Variants in ZBTB8OS observed in about 807,000 individuals in gnomAD.
ZBTB8OS encodes tRNA splicing ligase complex subunit 1, also known as tRNA-splicing ligase-activating factor archease.
ZBTB8OS carries 16 observed loss-of-function variants against 29.3 expected under a neutral mutation model. That is an observed-to-expected ratio of 0.55 (90% CI 0.37 to 0.83). The LOEUF (loss-of-function observed/expected upper bound fraction) is 0.83, where lower values mean the gene tolerates loss of function less well. Ranked by LOEUF, ZBTB8OS falls within the 40% of genes least tolerant of loss-of-function variation. The pLI is 0.00. For missense variants in ZBTB8OS, 160 were observed against 196.9 expected, an observed-to-expected ratio of 0.81 and a Z score of 1.12; for synonymous variants, 70 against 64.6, an observed-to-expected ratio of 1.08 and a Z score of -0.40.
chr1:32,627,377 C>A, intron 6 of ZBTB8OS, 131 bp downstream of exon 6: 1 of 752,794 alleles, frequency 1.3e-6, no homozygotes, highest in Non-Finnish European at 2.2e-6. Context: ...TATATCCAGA[C>A]AGGTCAGAGA....
intron 1 of ZBTB8OS, among the ~76,000 whole-genome samples, chr1:32,644,018 G>C (rs541200678): frequency 6.6e-6 from 1 of 152,072 alleles, no homozygotes; most frequent in South Asian, 2.1e-4. Context: ...TCGGCCCCAA[G>C]GAAGGGGCTT....
chr1:32,621,733 TA>T lies in ZBTB8OS; in HGVS notation c.*128del. ...CCCTTTCTGAAAGTCACACTTTAAC[TA>T]AAATATTTCTGTTCTACAAATTTCC... On this transcript the variant is annotated 3_prime_UTR_variant, in exon 7 of 7. Coordinates refer to ENST00000468695, the MANE Select transcript of ZBTB8OS (RefSeq NM_178547.5). The T allele has an allele frequency of 4.3e-6, 3 of 704,088 alleles. No individual in the cohort carries two copies. The highest frequency in any genetic ancestry group is 7.1e-6 in the Non-Finnish European group (3 of 422,732). 43.6% of individuals were successfully genotyped at this position (704,088 alleles called of 1,614,324 possible).
At chr1:32,622,080 A>C in intron 6 of ZBTB8OS, 132 bp from the exon 7 acceptor site, 1 of 623,362 alleles carries the variant, frequency 1.6e-6, no homozygotes, top group Non-Finnish European at 2.7e-6. Flanking sequence ...CACATGAAAC[A>C]ATTAGTTATC....
chr1:32,649,528 G>A (rs1378484233), intron 1 of ZBTB8OS, among the ~76,000 whole-genome samples: 1 of 151,962 alleles, frequency 6.6e-6, no homozygotes, highest in Non-Finnish European at 1.5e-5. Context: ...TTTGCCTAAA[G>A]TCACTAAGCG....
chr1:32,642,491 G>A lies in ZBTB8OS; in HGVS notation c.98-7699C>T, dbSNP rs1323997061. Among the ~76,000 whole-genome samples, 9 of 149,958 alleles carry A rather than the reference G, an allele frequency of 6.0e-5. 1 individual carries two copies. The highest frequency in any genetic ancestry group is 4.2e-4 in the South Asian group (2 of 4,726). On this transcript the variant is annotated intron_variant, in intron 1 of 6. Coordinates refer to ENST00000468695, the MANE Select transcript of ZBTB8OS (RefSeq NM_178547.5). Reference sequence around the variant, plus strand: ...TGCATTCCAGCCTGGGTGACAGAGCGAGACTCTGTCTCAAAAAAAAAAAGA... The same window carrying A: ...TGCATTCCAGCCTGGGTGACAGAGCAAGACTCTGTCTCAAAAAAAAAAAGA...
chr1:32,646,898 C>T (rs1393214033), intron 1 of ZBTB8OS, among the ~76,000 whole-genome samples: 1 of 149,384 alleles, frequency 6.7e-6, no homozygotes, highest in Non-Finnish European at 1.5e-5. Context: ...AAAAATTAGC[C>T]GGGTGTGGTG....
intron 5 of ZBTB8OS, among the ~76,000 whole-genome samples, chr1:32,628,030 C>A (rs1156981465): frequency 6.6e-6 from 1 of 151,388 alleles, no homozygotes; most frequent in African/African-American, 2.4e-5. Context: ...GGTGTCAGGG[C>A]AAGACTGTGT....
intron 5 of ZBTB8OS, among the ~76,000 whole-genome samples, chr1:32,629,998 G>A (rs1039381556): frequency 5.3e-5 from 8 of 151,940 alleles, no homozygotes; most frequent in South Asian, 2.1e-4. Flanking sequence ...TGATCTGCCC[G>A]CCTCGGCCTC....
intron 1 of ZBTB8OS, among the ~76,000 whole-genome samples, chr1:32,643,358 C>T (rs1178703229): frequency 6.6e-6 from 1 of 150,598 alleles, no homozygotes; most frequent in Non-Finnish European, 1.5e-5. Context: ...CAGATATTAG[C>T]CACTGCACTT....
At chr1:32,626,071 C>T (rs904526914) in intron 6 of ZBTB8OS, among the ~76,000 whole-genome samples, 4 of 152,116 alleles carry the variant, frequency 2.6e-5, no homozygotes, top group Admixed American at 1.3e-4. Context: ...TGGGGTTTCA[C>T]CACGTTGGCC....
intron 6 of ZBTB8OS, among the ~76,000 whole-genome samples, chr1:32,623,155 C>T (rs1230251802): frequency 6.6e-6 from 1 of 152,140 alleles, no homozygotes; most frequent in Middle Eastern, 3.2e-3. Flanking sequence ...CTCTACACCA[C>T]ACAAAAAAAG....
chr1:32,623,381 T>C (rs1644878620), intron 6 of ZBTB8OS, among the ~76,000 whole-genome samples: 2 of 152,238 alleles, frequency 1.3e-5, no homozygotes, highest in African/African-American at 4.8e-5. Context: ...ATTCCCTTTT[T>C]CACTCTCTGA....
intron 2 of ZBTB8OS, chr1:32,634,374 G>C: frequency 3.2e-6 from 1 of 308,592 alleles, no homozygotes; most frequent in Non-Finnish European, 5.9e-6. Context: ...TTACAGGCAG[G>C]CACCACCAGA....
At chr1:32,650,627 C>A (rs1262981898), upstream of ZBTB8OS, 1 of 1,602,154 alleles carries the variant, frequency 6.2e-7, no homozygotes. Flanking sequence ...GGCGCACACC[C>A]TTAAAGGACC....
chr1:32,633,572 A>T, intron 4 of ZBTB8OS, 73 bp downstream of exon 4: 3 of 1,128,404 alleles, frequency 2.7e-6, no homozygotes, highest in South Asian at 2.9e-5. Context: ...GTCCTATTTT[A>T]AATCATCTGT....
chr1:32,633,438 A>G (rs1645724619), intron 4 of ZBTB8OS: 1 of 503,324 alleles, frequency 2.0e-6, no homozygotes, highest in Non-Finnish European at 3.6e-6. Flanking sequence ...TGACAAATAC[A>G]TGAGATCTAA....
At chr1:32,628,821 AC>A (rs1163029068) in intron 5 of ZBTB8OS, among the ~76,000 whole-genome samples, 1 of 151,792 alleles carries the variant, frequency 6.6e-6, no homozygotes, top group African/African-American at 2.4e-5. Flanking sequence ...CCGTGGTCCC[AC>A]CTACTCGGGA....
chr1:32,646,311 G>A (rs1219128518), intron 1 of ZBTB8OS, among the ~76,000 whole-genome samples: 1 of 151,016 alleles, frequency 6.6e-6, no homozygotes, highest in African/African-American at 2.4e-5. Context: ...GACAGAATGA[G>A]ACTGTCTCAG....
chr1:32,634,777 G>A lies in ZBTB8OS; in HGVS notation c.113C>T (p.Ala38Val), dbSNP rs970497078. ...NRKYEYLDHT[A>V]DVQLHAWGDT... is the part of the protein sequence containing the mutation. Reference sequence around the variant, plus strand: ...CTCCCGCTATACTCACTGGACATCTGCTGTATGATCCAAATCTGAGGGACA... The same window carrying A: ...CTCCCGCTATACTCACTGGACATCTACTGTATGATCCAAATCTGAGGGACA... The change falls in exon 2 of 7, where the codon GCA becomes GTA. Residue 38 changes from alanine (A) to valine (V), a missense_variant. Physicochemically the swap from Ala to Val is moderately conservative, Grantham distance 64 (BLOSUM62 0). Transcript: ENST00000468695. 8 of 1,613,362 alleles carry A rather than the reference G, an allele frequency of 5.0e-6. No homozygotes were observed. Among genetic ancestry groups the A allele is most frequent in the Non-Finnish European group, 5.9e-6 (7 of 1,179,364 alleles).
Sources: allele counts gnomAD v4.1 joint callset (sites outside exome capture counted in the v4.1 genomes callset), GRCh38; gene constraint gnomAD v4.1.1; transcripts MANE v1.5; gene names NCBI Gene and HGNC (gene_info 2026-07-23, HGNC 2026-07-21).